Variants in PARD3 observed in about 807,000 individuals in gnomAD.
The protein encoded by PARD3 is partitioning defective 3 homolog.
A neutral mutation model predicts 155.4 loss-of-function variants in PARD3; 75 were observed. The observed-to-expected ratio is 0.48, with a 90% CI of 0.40 to 0.58. The LOEUF (loss-of-function observed/expected upper bound fraction) is 0.58, where lower values mean the gene tolerates loss of function less well. PARD3 is among the 20% of genes least tolerant of loss of function. PARD3 has a pLI of 0.00. For synonymous variants in PARD3, 576 were observed against 610.5 expected (o/e 0.94, Z 0.83); for missense variants, 1,642 against 1,721.7 (o/e 0.95, Z 0.82).
intron 2 of PARD3, among the ~76,000 whole-genome samples, chr10:34,600,165 T>C (rs192144693): frequency 1.4e-5 from 2 of 143,942 alleles, no homozygotes; most frequent in East Asian, 4.0e-4. Flanking sequence ...TAAAACTCTG[T>C]CTCTATCAAA....
chr10:34,674,478 AT>A (rs11402018), intron 2 of PARD3, among the ~76,000 whole-genome samples: 4,191 of 79,466 alleles, frequency 0.053, 93 homozygotes, highest in African/African-American at 0.12. Flanking sequence ...CACGCTCTTG[AT>A]TTTTTTTTTT....
At chr10:34,115,519 G>C (rs774559248) in intron 24 of PARD3, among the ~76,000 whole-genome samples, 7 of 152,128 alleles carry the variant, frequency 4.6e-5, no homozygotes, top group Admixed American at 6.5e-5. Context: ...CTACTGCACA[G>C]CATGGTAGGT....
chr10:34,722,105 C>T (rs1251370407), intron 1 of PARD3, among the ~76,000 whole-genome samples: 1 of 152,134 alleles, frequency 6.6e-6, no homozygotes, highest in African/African-American at 2.4e-5. Context: ...GGTAGGAGGA[C>T]CACCTGAGCC....
chr10:34,612,245 T>A (rs1307620920), intron 2 of PARD3, among the ~76,000 whole-genome samples: 1 of 152,206 alleles, frequency 6.6e-6, no homozygotes, highest in African/African-American at 2.4e-5. Context: ...TGTTTATGCC[T>A]AAGTGTTTGA....
intron 2 of PARD3, among the ~76,000 whole-genome samples, chr10:34,684,820 CACACACACACATATAT>C (rs1177799988): frequency 7.2e-5 from 9 of 125,574 alleles, no homozygotes; most frequent in African/African-American, 1.9e-4. Context: ...CACACACACA[CACACACACACATATAT>C]ACACACACAC....
chr10:34,585,114 C>G (rs953417070), intron 2 of PARD3, among the ~76,000 whole-genome samples: 2 of 152,122 alleles, frequency 1.3e-5, no homozygotes, highest in Non-Finnish European at 2.9e-5. Context: ...TACACATTAT[C>G]CTGTGGTTCT....
At chr10:34,115,274 C>G (rs749386743) in intron 24 of PARD3, among the ~76,000 whole-genome samples, 2 of 151,874 alleles carry the variant, frequency 1.3e-5, no homozygotes, top group African/African-American at 4.8e-5. Flanking sequence ...ACAGCAGACA[C>G]GGAGCCGAGG....
At chr10:34,678,098 G>A (rs2093743910) in intron 2 of PARD3, among the ~76,000 whole-genome samples, 1 of 151,600 alleles carries the variant, frequency 6.6e-6, no homozygotes, top group Non-Finnish European at 1.5e-5. Context: ...TATTGAGACA[G>A]GGTCTCACTC....
At chr10:34,650,406 T>A (rs2092971070) in intron 2 of PARD3, among the ~76,000 whole-genome samples, 1 of 152,264 alleles carries the variant, frequency 6.6e-6, no homozygotes, top group Non-Finnish European at 1.5e-5. Context: ...AATGCTTTTA[T>A]GCTGCACGTG....
intron 21 of PARD3, among the ~76,000 whole-genome samples, chr10:34,278,122 C>T (rs545650601): frequency 1.1e-4 from 17 of 152,252 alleles, no homozygotes; most frequent in Admixed American, 2.6e-4. Flanking sequence ...TCATAGCTCA[C>T]TTCAGCCTTG....
chr10:34,795,796 A>G (rs1157029951), intron 1 of PARD3, among the ~76,000 whole-genome samples: 2 of 152,162 alleles, frequency 1.3e-5, no homozygotes, highest in Admixed American at 6.5e-5. Flanking sequence ...CAGGAGGCTG[A>G]GGCAGGAGAA....
At chr10:34,681,350 A>AT (rs1302735568) in intron 2 of PARD3, among the ~76,000 whole-genome samples, 1 of 152,118 alleles carries the variant, frequency 6.6e-6, no homozygotes, top group Non-Finnish European at 1.5e-5. Context: ...TTTGAGAAGT[A>AT]ATTAGTTGTG....
intron 3 of PARD3, among the ~76,000 whole-genome samples, chr10:34,489,773 G>C (rs1204349744): frequency 6.6e-6 from 1 of 152,140 alleles, no homozygotes; most frequent in African/African-American, 2.4e-5. Context: ...AACATTTGTT[G>C]AGCATTCACT....
intron 2 of PARD3, among the ~76,000 whole-genome samples, chr10:34,561,292 T>C (rs530306872): frequency 5.3e-5 from 8 of 152,266 alleles, no homozygotes; most frequent in South Asian, 4.2e-4. Context: ...ATCATGACAA[T>C]TGTAAAGGTG....
At chr10:34,797,509 C>CA (rs1842402942) in intron 1 of PARD3, among the ~76,000 whole-genome samples, 3 of 152,240 alleles carry the variant, frequency 2.0e-5, no homozygotes, top group South Asian at 4.2e-4. Context: ...GAAAGTGTGC[C>CA]AACAGTCTTC....
At chr10:34,471,062 G>T (rs527714662) in intron 3 of PARD3, among the ~76,000 whole-genome samples, 5 of 152,138 alleles carry the variant, frequency 3.3e-5, no homozygotes, top group Admixed American at 2.0e-4. Context: ...GAAAAATTTT[G>T]TTGAATAAAA....
At chr10:34,166,365 C>A (rs75583195) in intron 22 of PARD3, among the ~76,000 whole-genome samples, 1,704 of 152,076 alleles carry the variant, frequency 0.011, 9 homozygotes, top group Non-Finnish European at 0.017. Context: ...GTAATCCCAG[C>A]TCTATGGGAA....
intron 19 of PARD3, among the ~76,000 whole-genome samples, chr10:34,327,496 G>T (rs943929683): frequency 3.9e-5 from 6 of 152,162 alleles, no homozygotes; most frequent in Admixed American, 3.9e-4. Context: ...CATGAATATA[G>T]TCACTGGGGA....
Position 34,307,421 on chromosome 10 carries a change from C to A in PARD3, c.3065+9686G>T, listed in dbSNP as rs140517256. 8.1e-3 allele frequency among the ~76,000 whole-genome samples: 1,236 copies of A among 152,256 alleles called. 18 individuals are homozygous for A. Among genetic ancestry groups the A allele is most frequent in the African/African-American group, 0.028 (1,158 of 41,554 alleles). On this transcript the variant is annotated intron_variant, in intron 20 of 24. Transcript: ENST00000374788. ...GCAAACTCTGGGAGCAGGGTAGGGG[C>A]TGCTGCCTCTCGACCTGAAATGCAC...
Sources: gnomAD v4.1 joint callset for allele counts (sites outside exome capture counted in the v4.1 genomes callset) on GRCh38, gnomAD v4.1.1 for gene constraint, MANE v1.5 for transcripts, NCBI Gene and HGNC (gene_info 2026-07-23, HGNC 2026-07-21) for gene names.